KIF6: variants seen among roughly 807,000 people sequenced by gnomAD.
KIF6 encodes kinesin family member 6, also known as kinesin-like protein KIF6.
In KIF6, 106 loss-of-function variants were observed where a neutral mutation model predicts 112.7. The ratio of observed to expected loss-of-function variants is 0.94; its 90% confidence interval spans 0.80 to 1.11. The LOEUF (loss-of-function observed/expected upper bound fraction) is 1.11. KIF6 is among the 50% of genes least tolerant of loss of function. KIF6 has a pLI of 0.00. For synonymous variants in KIF6, 339 were observed against 339.9 expected, an observed-to-expected ratio of 1.00 and a Z score of 0.03; for missense variants, 929 against 964.0, an observed-to-expected ratio of 0.96 and a Z score of 0.48.
chr6:39,406,566 C>G (rs1225225130), intron 15 of KIF6, among the ~76,000 whole-genome samples: 1 of 152,046 alleles, frequency 6.6e-6, no homozygotes, highest in African/African-American at 2.4e-5. Context: ...TTGATTAGAT[C>G]TTTTCTCTTT....
intron 16 of KIF6, among the ~76,000 whole-genome samples, chr6:39,368,918 C>T (rs1288755435): frequency 6.6e-6 from 1 of 152,200 alleles, no homozygotes; most frequent in African/African-American, 2.4e-5. Flanking sequence ...TGTGGCTCTA[C>T]CATGGCAGAC....
At chr6:39,445,700 G>A (rs1772265482) in intron 13 of KIF6, among the ~76,000 whole-genome samples, 1 of 152,212 alleles carries the variant, frequency 6.6e-6, no homozygotes, top group African/African-American at 2.4e-5. Context: ...GATTTCTCAG[G>A]GAATGTTCCT....
At chr6:39,603,050 G>C (rs1171201544) in intron 6 of KIF6, among the ~76,000 whole-genome samples, 1 of 152,122 alleles carries the variant, frequency 6.6e-6, no homozygotes, top group Non-Finnish European at 1.5e-5. Flanking sequence ...AATCCATTTG[G>C]AACATTGTTT....
chr6:39,646,908 T>A (rs1017901653), intron 3 of KIF6, among the ~76,000 whole-genome samples: 3 of 152,178 alleles, frequency 2.0e-5, no homozygotes, highest in Non-Finnish European at 4.4e-5. Flanking sequence ...AGCAGTTAAC[T>A]TCTGTCTACT....
intron 14 of KIF6, among the ~76,000 whole-genome samples, chr6:39,429,724 C>T (rs1039023285): frequency 9.2e-5 from 14 of 152,096 alleles, no homozygotes; most frequent in South Asian, 2.1e-4. Context: ...GTGGCTAACA[C>T]AGTGAAACCC....
rs1487162138 is a variant in KIF6 at position 39,343,834 on chromosome 6, C to T, written c.2322-19G>A. The T allele has an allele frequency of 6.9e-7, 1 of 1,450,704 alleles. No homozygotes were observed. The highest frequency in any genetic ancestry group is 2.3e-5 in the East Asian group (1 of 43,962). 89.9% of individuals were successfully genotyped at this position (1,450,704 alleles called of 1,614,324 possible). A position where few individuals can be genotyped will look rare whatever the true frequency, so the allele number is the denominator to read the frequency against. On this transcript the variant is annotated intron_variant, in intron 21 of 22. Transcript: ENST00000287152. This position sits in a 1 kb window ranked among gnomAD's most constrained non-coding sequence, Gnocchi z 4.1. ...GGGGATGCTGGAGGCAACCACGTGT[C>T]ACATTTTACTACACTTTACAACTGG...
intron 15 of KIF6, among the ~76,000 whole-genome samples, chr6:39,407,151 A>T (rs923993752): frequency 6.6e-6 from 1 of 152,136 alleles, no homozygotes; most frequent in Admixed American, 6.5e-5. Context: ...TTAAGCAGAC[A>T]ATCAGCCTGA....
intron 13 of KIF6, among the ~76,000 whole-genome samples, chr6:39,480,224 C>A (rs1005208579): frequency 6.6e-6 from 1 of 151,980 alleles, no homozygotes; most frequent in African/African-American, 2.4e-5. Context: ...GAGGCATGTC[C>A]CTTGTATGCT....
intron 3 of KIF6, among the ~76,000 whole-genome samples, chr6:39,703,839 A>G (rs1231119133): frequency 1.3e-5 from 2 of 152,232 alleles, no homozygotes; most frequent in Non-Finnish European, 2.9e-5. Context: ...TATAGTAAAA[A>G]TCTTGCCAGT....
intron 13 of KIF6, among the ~76,000 whole-genome samples, chr6:39,435,526 C>G (rs1302047353): frequency 1.3e-5 from 2 of 151,500 alleles, no homozygotes; most frequent in Non-Finnish European, 1.5e-5. Context: ...ATCCCTCACC[C>G]CCCAAACCTC....
chr6:39,349,047 A>G (rs1046306892), intron 19 of KIF6, among the ~76,000 whole-genome samples: 2 of 152,244 alleles, frequency 1.3e-5, no homozygotes, highest in African/African-American at 2.4e-5. Flanking sequence ...CGGAGGGGCC[A>G]TGACTGGGAT....
chr6:39,558,019 C>A (rs897044457), intron 10 of KIF6, among the ~76,000 whole-genome samples: 2 of 151,382 alleles, frequency 1.3e-5, no homozygotes, highest in African/African-American at 2.4e-5. Flanking sequence ...AAAACTCTTA[C>A]AACTCTCACA....
At chr6:39,571,464 A>G (rs1282530773) in intron 10 of KIF6, among the ~76,000 whole-genome samples, 1 of 152,228 alleles carries the variant, frequency 6.6e-6, no homozygotes, top group Admixed American at 6.5e-5. Flanking sequence ...AGCTTCTGCA[A>G]TCTGAAATGC....
At chr6:39,684,648 G>A (rs62403356) in intron 3 of KIF6, among the ~76,000 whole-genome samples, 4,065 of 151,516 alleles carry the variant, frequency 0.027, 85 homozygotes, top group Non-Finnish European at 0.04. Context: ...AAATTAGCTG[G>A]GAGTGGTGGC....
chr6:39,625,268 G>C (rs910680513), intron 5 of KIF6, among the ~76,000 whole-genome samples: 2 of 152,130 alleles, frequency 1.3e-5, no homozygotes, highest in Non-Finnish European at 2.9e-5. Context: ...CTGATACTGA[G>C]AACAATCTCC....
chr6:39,544,380 C>T, intron 12 of KIF6, 175 bp downstream of exon 12: 1 of 475,370 alleles, frequency 2.1e-6, no homozygotes, highest in South Asian at 6.9e-5. Context: ...TTTATAGAAA[C>T]TCTTTTTCAC....
intron 10 of KIF6, among the ~76,000 whole-genome samples, chr6:39,567,784 T>G (rs1054617995): frequency 6.6e-6 from 1 of 152,120 alleles, no homozygotes; most frequent in Non-Finnish European, 1.5e-5. Context: ...ATTTTTTGTA[T>G]TTTTAGTACA....
chr6:39,471,314 T>C (rs1774104781), intron 13 of KIF6, among the ~76,000 whole-genome samples: 1 of 152,136 alleles, frequency 6.6e-6, no homozygotes, highest in South Asian at 2.1e-4. Context: ...TGACCTTTCT[T>C]TCCATGATGC....
intron 16 of KIF6, among the ~76,000 whole-genome samples, chr6:39,379,303 G>A (rs1427724590): frequency 2.0e-5 from 3 of 152,108 alleles, no homozygotes; most frequent in African/African-American, 7.2e-5. Flanking sequence ...TCTTTTAAAT[G>A]GGCTTATTTT....
Sources: allele counts gnomAD v4.1 joint callset (sites outside exome capture counted in the v4.1 genomes callset), GRCh38; gene constraint gnomAD v4.1.1; non-coding constraint Gnocchi (gnomAD v3.1); transcripts MANE v1.5; gene names NCBI Gene and HGNC (gene_info 2026-07-23, HGNC 2026-07-21).